Variants in ELAVL1 observed in about 807,000 individuals in gnomAD.
ELAVL1 encodes ELAV-like protein 1.
ELAVL1 carries 1 observed loss-of-function variant against 28.4 expected under a neutral mutation model. That is an observed-to-expected ratio of 0.04 (90% confidence interval 0.01 to 0.17). The LOEUF (loss-of-function observed/expected upper bound fraction) is 0.17, where lower values mean the gene tolerates loss of function less well. Among genes scored for constraint, ELAVL1 ranks in the 10% least tolerant of loss-of-function variants. The pLI, the probability that ELAVL1 is intolerant of heterozygous loss-of-function variation, is 1.00. For synonymous variants in ELAVL1, 174 were observed against 183.5 expected, an observed-to-expected ratio of 0.95 and a Z score of 0.42; for missense variants, 157 against 447.2, an observed-to-expected ratio of 0.35 and a Z score of 5.85.
chr19:7,974,928 G>A (rs960602925), intron 3 of ELAVL1, among the ~76,000 whole-genome samples: 1 of 152,206 alleles, frequency 6.6e-6, no homozygotes, highest in Non-Finnish European at 1.5e-5. Context: ...CTGCTCATAG[G>A]GCAGTGGGCG....
At chr19:7,991,165 T>TA (rs1169733375) in intron 2 of ELAVL1, among the ~76,000 whole-genome samples, 7 of 152,254 alleles carry the variant, frequency 4.6e-5, no homozygotes, top group Admixed American at 2.0e-4. Flanking sequence ...AGCCCAAACA[T>TA]AACGAAGGGC....
chr19:7,973,371 C>T, intron 4 of ELAVL1: 1 of 370,684 alleles, frequency 2.7e-6, no homozygotes, highest in Non-Finnish European at 4.8e-6. Flanking sequence ...GCTGGGACTA[C>T]AGGCGCCCGC....
chr19:7,974,550 T>G lies in ELAVL1; in HGVS notation c.277-672A>C, dbSNP rs188894927. 5.3e-5 allele frequency among the ~76,000 whole-genome samples: 8 copies of G among 152,228 alleles called. No individual in the cohort carries two copies. In the East Asian group the frequency reaches 1.5e-3, roughly 29 times the overall value. On this transcript the variant is annotated intron_variant, in intron 3 of 5. Transcript: ENST00000407627. ...GCAAGACAAGGTCTTCGGTGCTTTC[T>G]CAGGTTGGCGCTGACGGCCGTGCAG...
chr19:7,982,632 G>A lies in ELAVL1; in HGVS notation c.173-1446C>T, dbSNP rs1435018613. On this transcript the variant is annotated intron_variant, in intron 2 of 5. Transcript: ENST00000407627. This position sits in a 1 kb window ranked among gnomAD's most constrained non-coding sequence, Gnocchi z 4.3. ...GTTTCCCCTATGGGTACCACCGCAA[G>A]TGAGTATGAAATGCTGGTGACGATG... Among the ~76,000 whole-genome samples, 1 of 152,198 alleles carries A rather than the reference G, an allele frequency of 6.6e-6. No homozygotes were observed. The highest frequency in any genetic ancestry group is 2.4e-5 in the African/African-American group (1 of 41,450).
intron 1 of ELAVL1, among the ~76,000 whole-genome samples, chr19:7,996,018 T>G (rs1251937689): frequency 2.0e-5 from 3 of 151,718 alleles, no homozygotes; most frequent in Admixed American, 2.0e-4. Context: ...GTTCAAGCAA[T>G]CCTCCTGCCT....
At chr19:7,989,060 G>A (rs911894711) in intron 2 of ELAVL1, among the ~76,000 whole-genome samples, 5 of 152,214 alleles carry the variant, frequency 3.3e-5, no homozygotes, top group African/African-American at 7.2e-5. Context: ...AGACACCCGT[G>A]TTGTGAGCTG....
chr19:7,983,915 G>A (rs1985532014), intron 2 of ELAVL1, among the ~76,000 whole-genome samples: 1 of 151,984 alleles, frequency 6.6e-6, no homozygotes, highest in Non-Finnish European at 1.5e-5. Flanking sequence ...TCAGGGTAGG[G>A]CCTACCCTCT....
chr19:7,987,084 G>A (rs907251928), intron 2 of ELAVL1, among the ~76,000 whole-genome samples: 1 of 135,360 alleles, frequency 7.4e-6, no homozygotes, highest in South Asian at 2.7e-4. Flanking sequence ...AGAATCACAA[G>A]CGCCCAAGAG....
At position 7,967,025 on chromosome 19, in the gene ELAVL1, CT is replaced by C. The variant is rs770671359; in HGVS notation, c.656+539del. On this transcript the variant is annotated intron_variant, in intron 5 of 5. Transcript: ENST00000407627. ...AGCAACTGGTGGGGACTGGTGCTGT[CT>C]TTTTTTTTTTTTTAATAAAAACAAA... Among the ~76,000 whole-genome samples the C allele has an allele frequency of 7.4e-3, 1,030 of 140,074 alleles. 3 individuals are homozygous for C. The highest frequency in any genetic ancestry group is 9.0e-3 in the Non-Finnish European group (578 of 63,880). The allele number at this position is 140,074 out of a possible 152,430, so 91.9% of individuals were successfully genotyped here.
chr19:8,000,063 C>T (rs2081062347), intron 1 of ELAVL1, among the ~76,000 whole-genome samples: 1 of 152,186 alleles, frequency 6.6e-6, no homozygotes. Context: ...AAGCATGAGC[C>T]ACCACGCTTG....
rs1014532540 is a variant in ELAVL1 at position 7,960,035 on chromosome 19, T to A, written c.*3448A>T. The A allele has an allele frequency of 6.6e-6, 1 of 152,158 alleles. No individual in the cohort carries two copies. The highest frequency in any genetic ancestry group is 1.5e-5 in the Non-Finnish European group (1 of 68,032). The allele number at this position is 152,158 out of a possible 1,614,324, so 9.4% of individuals were successfully genotyped here. A position where few individuals can be genotyped will look rare whatever the true frequency, so the allele number is the denominator to read the frequency against. On this transcript the variant is annotated 3_prime_UTR_variant, in exon 6 of 6. Transcript: ENST00000407627. ...TGTGAAATGTAACAGCTGAGTGATG[T>A]CAATTTCGATTTTTCAAGTCCGATG...
In ELAVL1 at chr19:7,981,969, G is replaced by A. The variant is rs1026179348; in HGVS notation, c.173-783C>T. 2.8e-4 allele frequency among the ~76,000 whole-genome samples: 42 copies of A among 152,262 alleles called. No homozygotes were observed. The highest frequency in any genetic ancestry group is 7.7e-4 in the African/African-American group (32 of 41,556). ...CCAAGCCTGAGACCAGCCCGACCCCGCTGTGGGGCAGAAGAGTCCAGGGAG... is the reference window on the plus strand; with the variant it reads ...CCAAGCCTGAGACCAGCCCGACCCCACTGTGGGGCAGAAGAGTCCAGGGAG... On this transcript the variant is annotated intron_variant, in intron 2 of 5. Transcript: ENST00000407627. This position sits in a 1 kb window ranked among gnomAD's most constrained non-coding sequence, Gnocchi z 4.2.
chr19:7,991,801 A>G lies in ELAVL1; in HGVS notation c.15T>C (p.Tyr5=), dbSNP rs752362089. 6.2e-7 allele frequency: 1 copy of G among 1,612,564 alleles called. No homozygotes were observed. Among genetic ancestry groups the G allele is most frequent in the Non-Finnish European group, 8.5e-7 (1 of 1,179,442 alleles). The change falls in exon 2 of 6, where the codon TAT becomes TAC. Residue 5 remains tyrosine (Y), a synonymous_variant. Coordinates refer to ENST00000407627, the MANE Select transcript of ELAVL1 (RefSeq NM_001419.3). MSNG[Y]EDHMAEDCRG... The stretch of plus-strand genomic sequence containing the variant: ...TGCAGTCTTCGGCCATGTGGTCTTC[A>G]TAACCATTAGACATTGTATTTTTCA...
chr19:7,962,383 A>C lies in ELAVL1; in HGVS notation c.*1100T>G, dbSNP rs1331545170. 1 of 152,886 alleles carries C rather than the reference A, an allele frequency of 6.5e-6. No individual in the cohort carries two copies. Among genetic ancestry groups the C allele is most frequent in the Non-Finnish European group, 1.5e-5 (1 of 68,036 alleles). The allele number at this position is 152,886 out of a possible 1,614,324, so 9.5% of individuals were successfully genotyped here. ...CAGAACAGAACAACCCAAAATGTCA[A>C]GGCAGTTATGAAGAGAACTTTGAGG... On this transcript the variant is annotated 3_prime_UTR_variant, in exon 6 of 6. Coordinates refer to ENST00000407627, the MANE Select transcript of ELAVL1 (RefSeq NM_001419.3).
chr19:7,988,897 C>T (rs183867410), intron 2 of ELAVL1, among the ~76,000 whole-genome samples: 67 of 152,178 alleles, frequency 4.4e-4, no homozygotes, highest in Admixed American at 1.4e-3. Context: ...CTTGGGAAGC[C>T]GGGAAGGGAA....
Position 7,981,031 on chromosome 19 carries a change from C to T in ELAVL1, c.276+52G>A, listed in dbSNP as rs1291529494. 4.4e-6 allele frequency: 7 copies of T among 1,585,420 alleles called. No homozygotes were observed. In the Admixed American group the frequency reaches 8.3e-5, roughly 19 times the overall value. ...CTGTGAGGCTGGGCGGGGCTCAGCACAGACCTGTGCCCAGGGCAGGAATGG... is the reference window on the plus strand; with the variant it reads ...CTGTGAGGCTGGGCGGGGCTCAGCATAGACCTGTGCCCAGGGCAGGAATGG... On this transcript the variant is annotated intron_variant, in intron 3 of 5. Coordinates refer to ENST00000407627, the MANE Select transcript of ELAVL1 (RefSeq NM_001419.3). This position sits in a 1 kb window ranked among gnomAD's most constrained non-coding sequence, Gnocchi z 4.2.
chr19:7,968,853 C>A (rs1985027991), intron 4 of ELAVL1, among the ~76,000 whole-genome samples: 1 of 152,154 alleles, frequency 6.6e-6, no homozygotes, highest in Non-Finnish European at 1.5e-5. Context: ...GGGAAGCGGG[C>A]TGGAAACTGG....
chr19:7,998,460 T>C (rs990887524), intron 1 of ELAVL1, among the ~76,000 whole-genome samples: 14 of 152,160 alleles, frequency 9.2e-5, no homozygotes, highest in Non-Finnish European at 1.5e-4. Context: ...CAAGTTGTCA[T>C]GACAATGCAA....
chr19:7,969,409 G>A (rs1400928054), intron 4 of ELAVL1, among the ~76,000 whole-genome samples: 5 of 152,064 alleles, frequency 3.3e-5, no homozygotes, highest in African/African-American at 1.2e-4. Context: ...AGAGGGTCCC[G>A]CCAGCTGCCC....
Sources: allele counts gnomAD v4.1 joint callset (sites outside exome capture counted in the v4.1 genomes callset), GRCh38; gene constraint gnomAD v4.1.1; non-coding constraint Gnocchi (gnomAD v3.1); transcripts MANE v1.5; gene names NCBI Gene and HGNC (gene_info 2026-07-23, HGNC 2026-07-21).